The following PSG5 variants were observed in gnomAD, a reference collection of about 807,000 sequenced individuals.
The protein encoded by PSG5 is pregnancy-specific beta-1-glycoprotein 5.
In PSG5, 53 loss-of-function variants were observed where a neutral mutation model predicts 37.7. That is an observed-to-expected ratio of 1.41 (90% CI 1.13 to 1.77). The LOEUF (loss-of-function observed/expected upper bound fraction) is 1.77. PSG5 is among the 40% of genes most tolerant of loss of function. The pLI, the probability that PSG5 is intolerant of heterozygous loss-of-function variation, is 0.00. For missense variants in PSG5, 547 were observed against 405.2 expected, an observed-to-expected ratio of 1.35 and a Z score of -3.00; for synonymous variants, 221 against 155.4, an observed-to-expected ratio of 1.42 and a Z score of -3.14.
intron 2 of PSG5, among the ~76,000 whole-genome samples, chr19:43,183,972 G>A (rs1969187998): frequency 6.6e-6 from 1 of 151,600 alleles, no homozygotes; most frequent in Non-Finnish European, 1.5e-5. Context: ...CTAATGCTTG[G>A]CACAGTGGAG....
At chr19:43,184,137 A>C (rs1242675675) in intron 2 of PSG5, among the ~76,000 whole-genome samples, 1 of 151,602 alleles carries the variant, frequency 6.6e-6, no homozygotes, top group Non-Finnish European at 1.5e-5. Flanking sequence ...TAAGCCTCCT[A>C]AAGCAGTTGG....
At chr19:43,179,254 C>T in intron 2 of PSG5, 13 of 1,368,900 alleles carry the variant, frequency 9.5e-6, no homozygotes, top group Non-Finnish European at 1.3e-5. Flanking sequence ...CCTGTCAGCC[C>T]ACCCAAGTCC....
chr19:43,169,122 A>T (rs1968849290), intron 5 of PSG5, among the ~76,000 whole-genome samples: 1 of 151,564 alleles, frequency 6.6e-6, no homozygotes, highest in Non-Finnish European at 1.5e-5. Context: ...TCTATTTCCC[A>T]TCAGATTTCT....
In PSG5 at chr19:43,182,195, T is replaced by C. The variant is rs184039480; in HGVS notation, c.430+2587A>G. ...CTAACAACCTTACTTTGCCCAGGGA[T>C]GGCCTTTGTCAAACTAGTGAAAGAC... On this transcript the variant is annotated intron_variant, in intron 2 of 5. Transcript: ENST00000342951. 4.0e-3 allele frequency among the ~76,000 whole-genome samples: 613 copies of C among 151,842 alleles called. 13 individuals are homozygous for C. Among genetic ancestry groups the C allele is most frequent in the African/African-American group, 0.014 (588 of 41,322 alleles).
rs1232273609 is a variant in PSG5 at position 43,171,428 on chromosome 19, A to C, written c.965-1290T>G. 2.4e-5 allele frequency: 4 copies of C among 168,808 alleles called. 1 individual carries two copies. Among genetic ancestry groups the C allele is most frequent in the Non-Finnish European group, 5.0e-5 (4 of 79,298 alleles). 10.5% of individuals were successfully genotyped at this position (168,808 alleles called of 1,614,324 possible). A position where few individuals can be genotyped will look rare whatever the true frequency, so the allele number is the denominator to read the frequency against. On this transcript the variant is annotated intron_variant, in intron 4 of 5. Coordinates refer to ENST00000342951, the MANE Select transcript of PSG5 (RefSeq NM_002781.4). ...AAACTCTTACATTAAAAAAGAAGAA[A>C]GATCTCAGGTCAACAACCTACTTTA...
Position 43,184,746 on chromosome 19 carries a change from T to C in PSG5, c.430+36A>G, listed in dbSNP as rs1568376537. 6 of 1,610,488 alleles carry C rather than the reference T, an allele frequency of 3.7e-6. No individual in the cohort carries two copies. In the Admixed American group the frequency reaches 5.0e-5, roughly 13 times the overall value. ...GTGTGTGAAGTAGAAATGACCCCTG[T>C]CCCCCAACACCCAGGGATCATGTGG... On this transcript the variant is annotated intron_variant, in intron 2 of 5. Transcript: ENST00000342951.
In PSG5 at chr19:43,186,441, G is replaced by A. The variant is rs767284660; in HGVS notation, c.-36C>T. The A allele has an allele frequency of 8.1e-6, 13 of 1,610,656 alleles. 1 individual carries two copies. The highest frequency in any genetic ancestry group is 3.3e-5 in the South Asian group (3 of 90,956). ...CCTGCGTGTTCTCCTCTGTGGAGCT[G>A]AGCCTAGGATCCAGAAACTTCCTGA... On this transcript the variant is annotated 5_prime_UTR_variant, in exon 1 of 6. Coordinates refer to ENST00000342951, the MANE Select transcript of PSG5 (RefSeq NM_002781.4).
Position 43,169,349 on chromosome 19 carries a change from C to A in PSG5, c.*40+706G>T, listed in dbSNP as rs967492725. Among the ~76,000 whole-genome samples, 4 of 151,540 alleles carry A rather than the reference C, an allele frequency of 2.6e-5. 1 individual carries two copies. The highest frequency in any genetic ancestry group is 9.7e-5 in the African/African-American group (4 of 41,088). The stretch of plus-strand genomic sequence containing the variant: ...GTTCACATGTTAATCCTAAAGTCTC[C>A]GTTCTCCATGAGGTCAGATGTTGCC... On this transcript the variant is annotated intron_variant, in intron 5 of 5. Transcript: ENST00000342951.
chr19:43,174,525 G>T, intron 4 of PSG5: 1 of 816,170 alleles, frequency 1.2e-6, no homozygotes, highest in Non-Finnish European at 1.5e-6. Context: ...CATACAACCG[G>T]TGACTTCAGA....
intron 4 of PSG5, among the ~76,000 whole-genome samples, chr19:43,172,258 T>C (rs1968922693): frequency 6.6e-6 from 1 of 151,438 alleles, no homozygotes; most frequent in African/African-American, 2.4e-5. Flanking sequence ...ATAAAGGCAA[T>C]ATGTGAAAAA....
rs557667310 is a variant in PSG5, at chr19:43,184,014, G to T, written c.430+768C>A. Among the ~76,000 whole-genome samples the T allele has an allele frequency of 3.0e-4, 46 of 151,832 alleles. 2 individuals are homozygous for T. The highest frequency in any genetic ancestry group is 3.4e-3 in the Middle Eastern group (1 of 292). On this transcript the variant is annotated intron_variant, in intron 2 of 5. Coordinates refer to ENST00000342951, the MANE Select transcript of PSG5 (RefSeq NM_002781.4). ...CACAAACAGCATTTATTATTAATTT[G>T]CTTCCATGAGAAAGCACCTTTACGT... is the stretch of plus-strand genomic sequence containing the variant.
chr19:43,176,046 T>C lies in PSG5; in HGVS notation c.533A>G (p.Tyr178Cys). ...TCEPKSENYT[Y>C]IWWLNGQSLP... ...GCTCTGACCATTTAGCCACCAAATG[T>C]AGGTGTAGTTCTCACTCTTAGGTTC... The change falls in exon 3 of 6, where the codon TAC becomes TGC. Residue 178 changes from tyrosine to cysteine, a missense_variant. By Grantham distance (194) the Tyr-to-Cys change is radical. Transcript: ENST00000342951. 1.2e-6 allele frequency: 2 copies of C among 1,611,082 alleles called. No homozygotes were observed. Among genetic ancestry groups the C allele is most frequent in the Non-Finnish European group, 1.7e-6 (2 of 1,179,186 alleles).
rs532923825 is a variant in PSG5 at position 43,175,297 on chromosome 19, C to T, written c.882G>A (p.Lys294=). ...CAGAGCAAGTATAGAGCCCTCTATG[C>T]TTTGTAGTAATTTGGGGGATAGAGA... ...QKLSIPQITT[K]HRGLYTCSVR... Residue 294 remains lysine, a synonymous_variant, in exon 4 of 6, where the codon AAG becomes AAA. Coordinates refer to ENST00000342951, the MANE Select transcript of PSG5 (RefSeq NM_002781.4). 8.7e-6 allele frequency: 14 copies of T among 1,612,770 alleles called. No individual in the cohort carries two copies. The East Asian group carries it at 2.9e-4, about 33-fold the overall frequency.
At chr19:43,175,492 A>G (rs8113109) in intron 3 of PSG5, 23 bp from the exon 4 acceptor site, 198,463 of 1,588,058 alleles carry the variant, frequency 0.12, 17,568 homozygotes, top group East Asian at 0.39. Context: ...GAATGAAGCC[A>G]CAGGTGATGT....
chr19:43,181,767 T>G lies in PSG5; in HGVS notation c.430+3015A>C, dbSNP rs2122234025. ...TGTGCCCAGCCATCTCTGAGGGATT[T>G]TAATGAGTTGTTGACTTTTGAGTTT... On this transcript the variant is annotated intron_variant, in intron 2 of 5. Coordinates refer to ENST00000342951, the MANE Select transcript of PSG5 (RefSeq NM_002781.4). Among the ~76,000 whole-genome samples the G allele has an allele frequency of 1.3e-5, 2 of 151,918 alleles. 1 individual carries two copies. The highest frequency in any genetic ancestry group is 4.8e-5 in the African/African-American group (2 of 41,362).
Position 43,175,271 on chromosome 19 carries a change from A to G in PSG5, c.908T>C (p.Val303Ala). The G allele has an allele frequency of 6.2e-7, 1 of 1,612,766 alleles. No individual in the cohort carries two copies. Among genetic ancestry groups the G allele is most frequent in the South Asian group, 1.1e-5 (1 of 91,060 alleles). ...TTCCTTGCCAGTAGCTGAGTTACGA[A>G]CAGAGCAAGTATAGAGCCCTCTATG... ...TKHRGLYTCS[V>A]RNSATGKESS... is the part of the protein sequence containing the mutation. The change falls in exon 4 of 6, where the codon GTT becomes GCT. Residue 303 changes from valine to alanine, a missense_variant. By Grantham distance (64) the Val-to-Ala change is moderately conservative. Transcript: ENST00000342951.
intron 2 of PSG5, among the ~76,000 whole-genome samples, chr19:43,181,614 A>G (rs1416077791): frequency 1.3e-5 from 2 of 151,540 alleles, no homozygotes; most frequent in African/African-American, 2.4e-5. Flanking sequence ...ATCCGCCACC[A>G]CGCCCAGCTA....
chr19:43,170,178 G>T, intron 4 of PSG5, 40 bp from the exon 5 acceptor site: 1 of 1,513,044 alleles, frequency 6.6e-7, no homozygotes, highest in Non-Finnish European at 9.1e-7. Context: ...TGAAGGTGAT[G>T]TTATTTTACA....
At chr19:43,182,271 C>T (rs1969144478) in intron 2 of PSG5, among the ~76,000 whole-genome samples, 1 of 151,714 alleles carries the variant, frequency 6.6e-6, no homozygotes, top group Non-Finnish European at 1.5e-5. Context: ...AATGTTGGCA[C>T]AGTTTCTATA....
Sources: gnomAD v4.1 joint callset for allele counts (sites outside exome capture counted in the v4.1 genomes callset) on GRCh38, gnomAD v4.1.1 for gene constraint, MANE v1.5 for transcripts, NCBI Gene and HGNC (gene_info 2026-07-23, HGNC 2026-07-21) for gene names.